LAMA3: variants seen among roughly 807,000 people sequenced by gnomAD.
LAMA3 encodes the protein laminin subunit alpha 3.
Under a neutral mutation model 402.0 loss-of-function variants are expected in LAMA3, and 281 were observed. The ratio of observed to expected loss-of-function variants is 0.70; its 90% CI spans 0.63 to 0.77. LAMA3 has a LOEUF of 0.77. Ranked by LOEUF, LAMA3 falls within the 30% of genes least tolerant of loss-of-function variation. LAMA3 has a pLI of 0.00. For missense variants in LAMA3, 3,840 were observed against 4,215.5 expected (o/e 0.91, Z 2.47); for synonymous variants, 1,431 against 1,558.4 (o/e 0.92, Z 1.93).
intron 1 of LAMA3, among the ~76,000 whole-genome samples, chr18:23,696,814 TTC>T (rs1163350755): frequency 6.6e-6 from 1 of 152,240 alleles, no homozygotes; most frequent in Non-Finnish European, 1.5e-5. Flanking sequence ...GAACTCTTTA[TTC>T]TCTTTCTCTG....
intron 44 of LAMA3, among the ~76,000 whole-genome samples, chr18:23,897,449 C>G (rs1250088689): frequency 1.3e-5 from 2 of 152,178 alleles, no homozygotes; most frequent in Non-Finnish European, 2.9e-5. Flanking sequence ...TGGATTTCAT[C>G]AACATGGCCC....
chr18:23,700,016 T>C (rs2060762808), intron 1 of LAMA3, among the ~76,000 whole-genome samples: 1 of 152,168 alleles, frequency 6.6e-6, no homozygotes, highest in Non-Finnish European at 1.5e-5. Context: ...AAATTAATCC[T>C]TTATCACAAA....
chr18:23,904,228 C>T lies in LAMA3; in HGVS notation c.6473+141C>T, dbSNP rs2081165989. ...GGAGGGTGGGGTCAAGGCCAATGCC[C>T]CAGGCCCAAGTCAGAAGCAGAGCAG... On this transcript the variant is annotated intron_variant, in intron 50 of 74. Coordinates refer to ENST00000313654, the MANE Select transcript of LAMA3 (RefSeq NM_198129.4). 4.3e-6 allele frequency: 4 copies of T among 935,854 alleles called. No individual in the cohort carries two copies. The Admixed American group carries it at 8.1e-5, about 19-fold the overall frequency. The allele number at this position is 935,854 out of a possible 1,614,324, so 58.0% of individuals were successfully genotyped here.
intron 44 of LAMA3, among the ~76,000 whole-genome samples, chr18:23,895,551 T>C (rs2080848609): frequency 6.6e-6 from 1 of 152,234 alleles, no homozygotes; most frequent in Non-Finnish European, 1.5e-5. Flanking sequence ...TCAAATAATA[T>C]GTCAATTTCA....
chr18:23,812,168 C>T (rs2063087102), intron 13 of LAMA3, among the ~76,000 whole-genome samples: 1 of 152,300 alleles, frequency 6.6e-6, no homozygotes, highest in Non-Finnish European at 1.5e-5. Flanking sequence ...CCACCACTCC[C>T]AGCCTCTAGA....
At chr18:23,783,876 C>A in intron 11 of LAMA3, 147 bp from the exon 12 acceptor site, 8 of 1,081,290 alleles carry the variant, frequency 7.4e-6, no homozygotes, top group Non-Finnish European at 9.8e-6. Context: ...TTCCCTTCAA[C>A]GCAGTGTAGT....
At position 23,898,808 on chromosome 18, in the gene LAMA3, T is replaced by C. The variant is rs770194725; in HGVS notation, c.5684T>C (p.Leu1895Pro). ...AAAATAGAAGGCCTGGAAAGAGAAC[T>C]GACTGATTTGAATCAAGAATTTGAG... ...GSKIEGLERE[L>P]TDLNQEFETL... is the part of the protein sequence containing the mutation. The change falls in exon 45 of 75, where the codon CTG becomes CCG. Residue 1895 changes from leucine (L) to proline (P), a missense_variant. Leu to Pro is a moderately conservative substitution (Grantham distance 98, BLOSUM62 -3). Around this residue, in one of 3 missense-constraint regions of LAMA3, gnomAD observed 891 missense variants for 857.5 expected, o/e 1.04. Coordinates refer to ENST00000313654, the MANE Select transcript of LAMA3 (RefSeq NM_198129.4). 9.9e-6 allele frequency: 16 copies of C among 1,611,890 alleles called. No homozygotes were observed. The East Asian group carries it at 3.3e-4, about 34-fold the overall frequency.
At chr18:23,864,493 G>A (rs1297346494) in intron 35 of LAMA3, among the ~76,000 whole-genome samples, 1 of 152,074 alleles carries the variant, frequency 6.6e-6, no homozygotes, top group Non-Finnish European at 1.5e-5. Context: ...TTCCCAAAGT[G>A]TGGGATTATA....
At chr18:23,876,108 C>A (rs1040037006) in intron 38 of LAMA3, among the ~76,000 whole-genome samples, 186 bp from the exon 39 acceptor site, 2 of 152,104 alleles carry the variant, frequency 1.3e-5, no homozygotes, top group Non-Finnish European at 2.9e-5. Context: ...AGCCTAGGAG[C>A]CCAAGACTCT....
chr18:23,707,532 G>A (rs2060912711), intron 1 of LAMA3, among the ~76,000 whole-genome samples: 1 of 152,216 alleles, frequency 6.6e-6, no homozygotes, highest in Non-Finnish European at 1.5e-5. Context: ...CAGAGAGAGA[G>A]AGAAGGAATT....
At chr18:23,745,860 G>A (rs2061643694) in intron 2 of LAMA3, among the ~76,000 whole-genome samples, 1 of 152,188 alleles carries the variant, frequency 6.6e-6, no homozygotes, top group African/African-American at 2.4e-5. Context: ...AATGATTACT[G>A]TATTCAAAAA....
chr18:23,856,505 G>A (rs753567024), intron 32 of LAMA3, among the ~76,000 whole-genome samples: 21 of 152,154 alleles, frequency 1.4e-4, no homozygotes, highest in Non-Finnish European at 1.2e-4. Flanking sequence ...CCCAGGGCTC[G>A]CGGCACTTTC....
intron 1 of LAMA3, among the ~76,000 whole-genome samples, chr18:23,704,848 A>AAAGTATTACACGTGG (rs59556216): frequency 0.49 from 73,809 of 151,954 alleles, 19,671 homozygotes; most frequent in Non-Finnish European, 0.61. Flanking sequence ...TGTGAATTCT[A>AAAGTATTACACGTGG]AAGGCTTTTT....
chr18:23,742,187 C>CT (rs1175905857), intron 2 of LAMA3, among the ~76,000 whole-genome samples: 23 of 152,334 alleles, frequency 1.5e-4, no homozygotes, highest in African/African-American at 5.3e-4. Context: ...CAAATTCAGA[C>CT]TGTGGGACGT....
At chr18:23,914,906 T>G in intron 58 of LAMA3, 46 bp downstream of exon 58, 1 of 1,477,260 alleles carries the variant, frequency 6.8e-7, no homozygotes, top group Non-Finnish European at 9.4e-7. Flanking sequence ...AAAATTTTAA[T>G]TTGGTATGGT....
Position 23,858,708 on chromosome 18 carries a change from A to G in LAMA3, c.4301A>G (p.Glu1434Gly). The change falls in exon 34 of 75, where the codon GAG (glutamate) becomes GGG (glycine). Residue 1434 changes from glutamate (E) to glycine (G), a missense_variant. Around this residue, in one of 3 missense-constraint regions of LAMA3, gnomAD observed 2,109 missense variants for 2,376.0 expected, o/e 0.89. Transcript: ENST00000313654. ...CLCKENVEGT[E>G]CNVCREGSFH... ...CAATAGGAAAATGTAGAAGGCACAG[A>G]GTGTAATGTGTGTCGAGAAGGCTCA... is the stretch of plus-strand genomic sequence containing the variant. 1.2e-6 allele frequency: 2 copies of G among 1,614,208 alleles called. No individual in the cohort carries two copies. Among genetic ancestry groups the G allele is most frequent in the Non-Finnish European group, 8.5e-7 (1 of 1,180,030 alleles).
chr18:23,704,928 G>A (rs965055663), intron 1 of LAMA3, among the ~76,000 whole-genome samples: 1 of 152,196 alleles, frequency 6.6e-6, no homozygotes, highest in African/African-American at 2.4e-5. Context: ...CTGAAAAAGG[G>A]TAGGTCATTC....
chr18:23,932,099 C>T, intron 65 of LAMA3, 61 bp from the exon 66 acceptor site: 1 of 1,603,916 alleles, frequency 6.2e-7, no homozygotes. Context: ...GAGTTGGCCA[C>T]ATGGCAAGGG....
In LAMA3 at chr18:23,915,387, C is replaced by T; in HGVS notation, c.7743C>T (p.Phe2581=). ...GCTTGTACAACTTCAAAAAAACATT[C>T]AATCTCAACACAACTGAAGTGGAGC... The part of the protein sequence containing the change: ...VLSLYNFKKT[F]NLNTTEVEPC... Residue 2581 remains phenylalanine, a synonymous_variant, in exon 59 of 75, where the codon TTC becomes TTT. Transcript: ENST00000313654. 6.2e-7 allele frequency: 1 copy of T among 1,613,688 alleles called. No individual in the cohort carries two copies. Among genetic ancestry groups the T allele is most frequent in the Non-Finnish European group, 8.5e-7 (1 of 1,179,706 alleles).
Sources: gnomAD v4.1 joint callset for allele counts (sites outside exome capture counted in the v4.1 genomes callset) on GRCh38, gnomAD v4.1.1 for gene constraint, gnomAD v4.1.1 regional missense constraint, MANE v1.5 for transcripts, NCBI Gene and HGNC (gene_info 2026-07-23, HGNC 2026-07-21) for gene names.